RORA: variants seen among roughly 807,000 people sequenced by gnomAD.
The protein encoded by RORA is nuclear receptor ROR-alpha.
A neutral mutation model predicts 69.5 loss-of-function variants in RORA; 7 were observed. That is an observed-to-expected ratio of 0.10 (90% CI 0.06 to 0.19). The LOEUF (loss-of-function observed/expected upper bound fraction) is 0.19. RORA is among the 10% of genes least tolerant of loss of function. The probability of loss-of-function intolerance (pLI) is 1.00; values close to 1 mark genes in which losing one functional copy is unlikely to be tolerated. For missense variants in RORA, 457 were observed against 663.0 expected (o/e 0.69, Z 3.41); for synonymous variants, 261 against 240.8 (o/e 1.08, Z -0.78).
intron 1 of RORA, among the ~76,000 whole-genome samples, chr15:60,906,334 C>A (rs1383216553): frequency 1.3e-5 from 2 of 152,210 alleles, no homozygotes; most frequent in Admixed American, 1.3e-4. Context: ...CTACCAGGGG[C>A]TGAGCTAGTG....
chr15:60,929,472 C>A (rs998087188), intron 1 of RORA, among the ~76,000 whole-genome samples: 1 of 152,204 alleles, frequency 6.6e-6, no homozygotes, highest in African/African-American at 2.4e-5. Context: ...GAGGTTATTT[C>A]CATCCTCCTG....
Position 60,789,654 on chromosome 15 carries a change from A to G in RORA, c.167-110968T>C, listed in dbSNP as rs138351095. 2.0e-5 allele frequency among the ~76,000 whole-genome samples: 3 copies of G among 152,376 alleles called. No individual in the cohort carries two copies. The East Asian group carries it at 5.8e-4, about 29-fold the overall frequency. On this transcript the variant is annotated intron_variant, in intron 1 of 10. Transcript: ENST00000335670. ...GCAAGTTAGGGGATTTTCTTTAAGA[A>G]GAAAGAATTGTAAAATATCTAACTT... is the stretch of plus-strand genomic sequence containing the variant.
intron 1 of RORA, chr15:61,038,812 G>A (rs1029293977): frequency 6.6e-6 from 1 of 152,232 alleles, no homozygotes; most frequent in African/African-American, 2.4e-5. Context: ...ATTTAAACAT[G>A]AAGAAACAGA....
intron 1 of RORA, among the ~76,000 whole-genome samples, chr15:60,945,276 C>G (rs1042539546): frequency 6.6e-6 from 1 of 152,164 alleles, no homozygotes; most frequent in African/African-American, 2.4e-5. Context: ...ATGTATTCCA[C>G]GGTTCCTGTT....
chr15:60,750,648 A>G lies in RORA; in HGVS notation c.167-71962T>C, dbSNP rs912485296. Among the ~76,000 whole-genome samples the G allele has an allele frequency of 1.6e-4, 24 of 152,210 alleles. 1 individual carries two copies. The highest frequency in any genetic ancestry group is 2.8e-4 in the Non-Finnish European group (19 of 68,038). On this transcript the variant is annotated intron_variant, in intron 1 of 10. Coordinates refer to ENST00000335670, the MANE Select transcript of RORA (RefSeq NM_134261.3). ...GAGGACATCAAACTGAGATTAGATT[A>G]GAGGAAAAAGAGCAAAAGAGGACCA... is the stretch of plus-strand genomic sequence containing the variant.
chr15:60,499,813 C>T, intron 10 of RORA, 79 bp downstream of exon 10: 1 of 758,532 alleles, frequency 1.3e-6, no homozygotes. Flanking sequence ...GGTCATATGA[C>T]TTACATGACC....
intron 2 of RORA, among the ~76,000 whole-genome samples, chr15:60,639,958 CT>C (rs1189860541): frequency 6.6e-6 from 1 of 152,202 alleles, no homozygotes; most frequent in Non-Finnish European, 1.5e-5. Flanking sequence ...AGTTTCTCCC[CT>C]ATCATTGCTT....
intron 2 of RORA, among the ~76,000 whole-genome samples, chr15:60,563,118 C>T (rs917504343): frequency 2.6e-5 from 4 of 152,262 alleles, no homozygotes; most frequent in East Asian, 1.9e-4. Context: ...AAAGTGAACA[C>T]GGAGTCAGTC....
intron 1 of RORA, among the ~76,000 whole-genome samples, chr15:60,958,081 C>G (rs1023254978): frequency 6.6e-6 from 1 of 151,836 alleles, no homozygotes; most frequent in Non-Finnish European, 1.5e-5. Context: ...ATAAATTATT[C>G]AGAAACCTGA....
At chr15:60,788,550 CAAG>C (rs1024907451) in intron 1 of RORA, among the ~76,000 whole-genome samples, 19 of 152,180 alleles carry the variant, frequency 1.2e-4, no homozygotes, top group African/African-American at 1.2e-4. Flanking sequence ...GTTGCTGCAC[CAAG>C]AAGAAGCCGC....
chr15:61,007,597 C>T (rs545511813), intron 1 of RORA, among the ~76,000 whole-genome samples: 111 of 151,520 alleles, frequency 7.3e-4, no homozygotes, highest in African/African-American at 2.2e-3. Context: ...TATACCTTTA[C>T]GGTCATAGGA....
At chr15:60,517,755 A>G (rs886739435) in intron 3 of RORA, among the ~76,000 whole-genome samples, 2 of 152,208 alleles carry the variant, frequency 1.3e-5, no homozygotes, top group Admixed American at 6.5e-5. Flanking sequence ...GCTTAAAATC[A>G]GGAATGTATT....
intron 4 of RORA, among the ~76,000 whole-genome samples, chr15:60,514,412 G>A (rs952404564): frequency 3.3e-5 from 5 of 152,118 alleles, no homozygotes; most frequent in African/African-American, 1.2e-4. Flanking sequence ...CCATCAGCCA[G>A]CCAGCTGACT....
At chr15:60,503,018 T>A in intron 7 of RORA, 151 bp from the exon 8 acceptor site, 1 of 713,416 alleles carries the variant, frequency 1.4e-6, no homozygotes, top group Non-Finnish European at 2.5e-6. Context: ...ATCAGCTGTC[T>A]ATCCAAAAGG....
chr15:60,902,892 G>A (rs894091669), intron 1 of RORA, among the ~76,000 whole-genome samples: 5 of 152,196 alleles, frequency 3.3e-5, no homozygotes, highest in Admixed American at 2.0e-4. Context: ...ATCTAGGGGC[G>A]TACTCCGCTG....
rs527752317 is a variant in RORA, at chr15:60,569,810, C to T, written c.197-37959G>A. On this transcript the variant is annotated intron_variant, in intron 2 of 10. Coordinates refer to ENST00000335670, the MANE Select transcript of RORA (RefSeq NM_134261.3). ...GACAAAGAACGTACAGAGAGCAGGGCCAAGCAGCTGAAGCATTCTTTTATT... is the reference window on the plus strand; with the variant it reads ...GACAAAGAACGTACAGAGAGCAGGGTCAAGCAGCTGAAGCATTCTTTTATT... Among the ~76,000 whole-genome samples, 34 of 152,216 alleles carry T rather than the reference C, an allele frequency of 2.2e-4. No homozygotes were observed. The South Asian group carries it at 4.8e-3, about 21-fold the overall frequency.
At chr15:60,873,211 T>C (rs571194684) in intron 1 of RORA, among the ~76,000 whole-genome samples, 1 of 151,850 alleles carries the variant, frequency 6.6e-6, no homozygotes, top group South Asian at 2.1e-4. Flanking sequence ...TGTGGTCTTC[T>C]ATGGGTAAAG....
chr15:60,980,840 A>AT (rs1166900477), intron 1 of RORA, among the ~76,000 whole-genome samples: 1 of 151,374 alleles, frequency 6.6e-6, no homozygotes, highest in African/African-American at 2.4e-5. Flanking sequence ...GGTTTTGATG[A>AT]TTTTTTTTCT....
intron 2 of RORA, among the ~76,000 whole-genome samples, chr15:60,649,344 T>G (rs2070106402): frequency 6.6e-6 from 1 of 152,164 alleles, no homozygotes; most frequent in Non-Finnish European, 1.5e-5. Flanking sequence ...CATTACTGTT[T>G]TGGCTTCAAG....
Sources: allele counts gnomAD v4.1 joint callset (sites outside exome capture counted in the v4.1 genomes callset), GRCh38; gene constraint gnomAD v4.1.1; transcripts MANE v1.5; gene names NCBI Gene and HGNC (gene_info 2026-07-23, HGNC 2026-07-21).